The following IRF4 variants were observed in gnomAD, a reference collection of about 807,000 sequenced individuals.
IRF4 encodes the protein interferon regulatory factor 4, also known as lymphocyte-specific interferon regulatory factor.
Under a neutral mutation model 55.5 loss-of-function variants are expected in IRF4, and 13 were observed. The observed-to-expected ratio is 0.23, with a 90% CI of 0.15 to 0.37. IRF4 has a LOEUF of 0.37. IRF4 is among the 10% of genes least tolerant of loss of function. IRF4 has a pLI of 1.00. For synonymous variants in IRF4, 249 were observed against 240.7 expected, an observed-to-expected ratio of 1.03 and a Z score of -0.32; for missense variants, 397 against 593.8, an observed-to-expected ratio of 0.67 and a Z score of 3.44.
In IRF4 at chr6:405,012, C is replaced by G; in HGVS notation, c.1100-6C>G. The G allele has an allele frequency of 1.3e-6, 2 of 1,594,002 alleles. No homozygotes were observed. Among genetic ancestry groups the G allele is most frequent in the Non-Finnish European group, 1.7e-6 (2 of 1,161,762 alleles). On this transcript the variant is annotated splice_polypyrimidine_tract_variant and splice_region_variant and intron_variant, in intron 7 of 8. Transcript: ENST00000380956. ...AACATGGTCTCTTTCTTGTGGGCTT[C>G]TACAGAGCTGCAAGCGTTTGCTCAC...
At chr6:403,876 T>C (rs979047487) in intron 7 of IRF4, among the ~76,000 whole-genome samples, 1 of 152,120 alleles carries the variant, frequency 6.6e-6, no homozygotes, top group Non-Finnish European at 1.5e-5. Context: ...GATTAGCCTG[T>C]GTAGGTGTAG....
intron 7 of IRF4, 35 bp downstream of exon 7, chr6:401,812 G>A (rs775509596): frequency 3.8e-6 from 6 of 1,582,012 alleles, no homozygotes; most frequent in Non-Finnish European, 5.2e-6. Flanking sequence ...AATGGAGGTG[G>A]TGATGGCCTG....
Position 407,670 on chromosome 6 carries a change from GCT to G in IRF4, c.*75_*76del. Reference sequence around the variant, plus strand: ...TTTTGATACGGGGATACGGGGTCTTGCTCTGTCTCCCAGGCTGGAGTGCAGTG... The same window carrying G: ...TTTTGATACGGGGATACGGGGTCTTGCTGTCTCCCAGGCTGGAGTGCAGTG... On this transcript the variant is annotated 3_prime_UTR_variant, in exon 9 of 9. Transcript: ENST00000380956. 7.4e-7 allele frequency: 1 copy of G among 1,351,808 alleles called. No individual in the cohort carries two copies. Among genetic ancestry groups the G allele is most frequent in the Non-Finnish European group, 1.0e-6 (1 of 999,422 alleles). 83.7% of individuals were successfully genotyped at this position (1,351,808 alleles called of 1,614,324 possible).
In IRF4 at chr6:396,961, G is replaced by A. The variant is rs12661997; in HGVS notation, c.493-147G>A. ...TCCTGCACTCCTTTACCCCCGTCTC[G>A]ATGCCAGTGCTTCTTATCTCAGCCT... On this transcript the variant is annotated intron_variant, in intron 4 of 8. Coordinates refer to ENST00000380956, the MANE Select transcript of IRF4 (RefSeq NM_002460.4). 1,493 of 476,364 alleles carry A rather than the reference G, an allele frequency of 3.1e-3. 4 individuals carry two copies. The highest frequency in any genetic ancestry group is 0.014 in the African/African-American group (280 of 20,544). The allele number at this position is 476,364 out of a possible 1,614,324, so 29.5% of individuals were successfully genotyped here. A position where few individuals can be genotyped will look rare whatever the true frequency, so the allele number is the denominator to read the frequency against.
chr6:396,474 A>G (rs1032930289), intron 4 of IRF4, among the ~76,000 whole-genome samples: 5 of 152,218 alleles, frequency 3.3e-5, no homozygotes, highest in African/African-American at 1.2e-4. Flanking sequence ...CGGATGATAA[A>G]ATGCTTCGGC....
intron 7 of IRF4, 42 bp downstream of exon 7, chr6:401,819 C>T (rs1761408559): frequency 1.3e-6 from 2 of 1,570,042 alleles, no homozygotes; most frequent in East Asian, 2.3e-5. Context: ...GTGGTGATGG[C>T]CTGCCTGCCA....
chr6:401,327 C>T, intron 6 of IRF4, 97 bp from the exon 7 acceptor site: 2 of 908,596 alleles, frequency 2.2e-6, no homozygotes, highest in East Asian at 2.5e-5. Flanking sequence ...ATGTGGGACA[C>T]TAGAGTTCCA....
In IRF4 at chr6:411,276, C is replaced by G. The variant is rs185112419; in HGVS notation, c.*3678C>G. The G allele has an allele frequency of 8.8e-6, 2 of 227,188 alleles. No homozygotes were observed. Among genetic ancestry groups the G allele is most frequent in the African/African-American group, 4.4e-5 (2 of 45,074 alleles). The allele number at this position is 227,188 out of a possible 1,614,324, so 14.1% of individuals were successfully genotyped here. A position where few individuals can be genotyped will look rare whatever the true frequency, so the allele number is the denominator to read the frequency against. On this transcript the variant is annotated 3_prime_UTR_variant, in exon 9 of 9. Coordinates refer to ENST00000380956, the MANE Select transcript of IRF4 (RefSeq NM_002460.4). ...GCTTGAATTTCCCCTACTGGCTCTG[C>G]GTTTTGCTGAGATCTGTAGGAAAGG... is the stretch of plus-strand genomic sequence containing the variant.
intron 7 of IRF4, 66 bp downstream of exon 7, chr6:401,843 C>T (rs1324608104): frequency 1.4e-6 from 2 of 1,432,440 alleles, no homozygotes; most frequent in Non-Finnish European, 1.9e-6. Context: ...GGGTCAGAAA[C>T]CACAGGGTCC....
chr6:407,426 T>C (rs1485487176), intron 8 of IRF4, 29 bp from the exon 9 acceptor site: 1 of 1,587,374 alleles, frequency 6.3e-7, no homozygotes, highest in Admixed American at 1.9e-5. Flanking sequence ...GATATCTCAG[T>C]AATGTCTTTT....
rs535148883 is a variant in IRF4 at position 396,557 on chromosome 6, T to G, written c.493-551T>G. 2.0e-5 allele frequency among the ~76,000 whole-genome samples: 3 copies of G among 151,686 alleles called. No individual in the cohort carries two copies. In the South Asian group the frequency reaches 6.3e-4, roughly 32 times the overall value. Reference sequence around the variant, plus strand: ...CACCCCCCGTCTCAATGCCAGTGCTTCTTATCTCAGCCTCTCCTGCACTCC... The same window carrying G: ...CACCCCCCGTCTCAATGCCAGTGCTGCTTATCTCAGCCTCTCCTGCACTCC... On this transcript the variant is annotated intron_variant, in intron 4 of 8. Transcript: ENST00000380956.
chr6:407,631 T>A lies in IRF4; in HGVS notation c.*33T>A. On this transcript the variant is annotated 3_prime_UTR_variant, in exon 9 of 9. Transcript: ENST00000380956. ...CAAGATGAGTGGTTTTCTTTTTCCT[T>A]TTTTTTTTTTTTTTTTTGATACGGG... 5 of 562,358 alleles carry A rather than the reference T, an allele frequency of 8.9e-6. No homozygotes were observed. Among genetic ancestry groups the A allele is most frequent in the Non-Finnish European group, 1.0e-5 (4 of 395,872 alleles). 34.8% of individuals were successfully genotyped at this position (562,358 alleles called of 1,614,324 possible).
rs1761242162 is a variant in IRF4, at chr6:395,945, A to G, written c.492+10A>G. On this transcript the variant is annotated intron_variant, in intron 4 of 8. Transcript: ENST00000380956. ...TTCGCTCCCAGCCCAGGTATGGTGG[A>G]GGGCACTGGGCTCCCTGAGGGCGAG... is the stretch of plus-strand genomic sequence containing the variant. 6 of 1,607,502 alleles carry G rather than the reference A, an allele frequency of 3.7e-6. No individual in the cohort carries two copies. The African/African-American group carries it at 6.7e-5, about 18-fold the overall frequency.
chr6:400,973 A>G (rs1460543950), intron 6 of IRF4, among the ~76,000 whole-genome samples: 1 of 152,190 alleles, frequency 6.6e-6, no homozygotes, highest in Non-Finnish European at 1.5e-5. Flanking sequence ...TTGCTTAAAG[A>G]TGAATTTTCA....
chr6:396,014 C>A, intron 4 of IRF4, 79 bp downstream of exon 4: 1 of 1,148,874 alleles, frequency 8.7e-7, no homozygotes, highest in Non-Finnish European at 1.3e-6. Context: ...ACCACAGCAG[C>A]CCAGACAGCA....
intron 6 of IRF4, among the ~76,000 whole-genome samples, chr6:400,816 A>G (rs77328997): frequency 6.9e-6 from 1 of 143,992 alleles, no homozygotes; most frequent in African/African-American, 2.6e-5. Context: ...ACACACACAC[A>G]TTTGCTTTTT....
At chr6:400,775 A>T (rs920300643) in intron 6 of IRF4, among the ~76,000 whole-genome samples, 2 of 107,958 alleles carry the variant, frequency 1.9e-5, no homozygotes, top group Non-Finnish European at 3.8e-5. Flanking sequence ...CTAATTCTAT[A>T]TATAATTTAT....
rs9378788 is a variant in IRF4 at position 393,362 on chromosome 6, C to T, written c.210C>T (p.Leu70=). ...ACAACCGCGAGGAGGACGCCGCGCT[C>T]TTCAAGGTCTCCGGCCTCGGGAGCC... ...QDYNREEDAA[L]FKAWALFKGK... The change falls in exon 2 of 9, where the codon CTC becomes CTT. Residue 70 remains leucine, a synonymous_variant. Coordinates refer to ENST00000380956, the MANE Select transcript of IRF4 (RefSeq NM_002460.4). This position sits in a 1 kb window ranked among gnomAD's most constrained non-coding sequence, Gnocchi z 5.4. 43 of 1,588,482 alleles carry T rather than the reference C, an allele frequency of 2.7e-5. No homozygotes were observed. In the South Asian group the frequency reaches 4.7e-4, roughly 17 times the overall value.
At position 408,304 on chromosome 6, in the gene IRF4, TTGAC is replaced by T. The variant is rs140017346; in HGVS notation, c.*710_*713del. Reference sequence around the variant, plus strand: ...CTTGCTGAGTGAAGGAAATGAATCTTTGACTGAAGCCGTGCCTGTAGCCTTGGGG... The same window carrying T: ...CTTGCTGAGTGAAGGAAATGAATCTTTGAAGCCGTGCCTGTAGCCTTGGGG... On this transcript the variant is annotated 3_prime_UTR_variant, in exon 9 of 9. Coordinates refer to ENST00000380956, the MANE Select transcript of IRF4 (RefSeq NM_002460.4). 5.4e-3 allele frequency: 1,263 copies of T among 232,196 alleles called. 17 individuals are homozygous for T. The highest frequency in any genetic ancestry group is 0.025 in the African/African-American group (1,129 of 45,374). The allele number at this position is 232,196 out of a possible 1,614,324, so 14.4% of individuals were successfully genotyped here. A position where few individuals can be genotyped will look rare whatever the true frequency, so the allele number is the denominator to read the frequency against.
Sources: allele counts gnomAD v4.1 joint callset (sites outside exome capture counted in the v4.1 genomes callset), GRCh38; gene constraint gnomAD v4.1.1; non-coding constraint Gnocchi (gnomAD v3.1); transcripts MANE v1.5; gene names NCBI Gene and HGNC (gene_info 2026-07-23, HGNC 2026-07-21).